Variants in PCSK5 observed in about 807,000 individuals in gnomAD.
PCSK5 encodes the protein proprotein convertase subtilisin/kexin type 5, also known as prohormone convertase 5.
A neutral mutation model predicts 233.2 loss-of-function variants in PCSK5; 129 were observed. The observed-to-expected ratio is 0.55, with a 90% CI of 0.48 to 0.64. The LOEUF (loss-of-function observed/expected upper bound fraction) is 0.64. Ranked by LOEUF, PCSK5 falls within the 30% of genes least tolerant of loss-of-function variation. The pLI is 0.00. For synonymous variants in PCSK5, 825 were observed against 879.2 expected (o/e 0.94, Z 1.09); for missense variants, 2,076 against 2,430.1 (o/e 0.85, Z 3.06).
chr9:76,265,202 C>G (rs532501694), intron 24 of PCSK5, among the ~76,000 whole-genome samples: 1 of 151,720 alleles, frequency 6.6e-6, no homozygotes, highest in Non-Finnish European at 1.5e-5. Context: ...GGGAACTAAA[C>G]ATGGGGTACT....
chr9:76,255,346 G>A (rs1185111797), intron 24 of PCSK5, among the ~76,000 whole-genome samples: 1 of 152,154 alleles, frequency 6.6e-6, no homozygotes, highest in East Asian at 1.9e-4. Context: ...TGCAACCAGA[G>A]TTGAAAGCCA....
chr9:76,256,274 G>C (rs1826978486), intron 24 of PCSK5, among the ~76,000 whole-genome samples: 2 of 152,196 alleles, frequency 1.3e-5, no homozygotes, highest in Non-Finnish European at 2.9e-5. Flanking sequence ...ATTTCCCCCG[G>C]AGCCGGGTAT....
intron 29 of PCSK5, among the ~76,000 whole-genome samples, chr9:76,309,035 T>C (rs919157452): frequency 6.6e-6 from 1 of 151,990 alleles, no homozygotes; most frequent in Non-Finnish European, 1.5e-5. Context: ...CTGGGAAACA[T>C]AGTGAGACCC....
rs763627398 is a variant in PCSK5, at chr9:76,323,132, T to C, written c.4183T>C (p.Cys1395Arg). 5.0e-6 allele frequency: 8 copies of C among 1,612,260 alleles called. No homozygotes were observed. In the East Asian group the frequency reaches 1.6e-4, roughly 31 times the overall value. ...TGGCTTCTATGCAGACTCGCGCCAC[T>C]GTGTCCCCTGCCATAAAGACTGTCT... ...PRGFYADSRH[C>R]VPCHKDCLEC... The change falls in exon 32 of 38, where the codon TGT (cysteine) becomes CGT (arginine). Residue 1395 changes from cysteine (C) to arginine (R), a missense_variant. By Grantham distance (180) the Cys-to-Arg change is radical. Coordinates refer to ENST00000674117, the MANE Select transcript of PCSK5 (RefSeq NM_001372043.1).
intron 29 of PCSK5, among the ~76,000 whole-genome samples, chr9:76,310,424 C>T (rs1420617140): frequency 6.6e-6 from 1 of 152,098 alleles, no homozygotes; most frequent in Non-Finnish European, 1.5e-5. Context: ...CCATCATGAC[C>T]TATACCTAAT....
At chr9:76,151,885 T>A (rs1010611588) in intron 10 of PCSK5, among the ~76,000 whole-genome samples, 1 of 152,226 alleles carries the variant, frequency 6.6e-6, no homozygotes, top group African/African-American at 2.4e-5. Flanking sequence ...TATTTTCTGT[T>A]GCATTTGGAT....
chr9:76,108,417 C>T (rs894933076), intron 9 of PCSK5, among the ~76,000 whole-genome samples: 3 of 152,148 alleles, frequency 2.0e-5, no homozygotes, highest in Non-Finnish European at 2.9e-5. Context: ...TAGCCAGTGA[C>T]AGAGAAGGAA....
intron 1 of PCSK5, among the ~76,000 whole-genome samples, chr9:75,903,439 A>G (rs980234011): frequency 1.5e-4 from 23 of 151,588 alleles, no homozygotes; most frequent in Non-Finnish European, 2.7e-4. Flanking sequence ...ATACCATGCC[A>G]GCATTGAACC....
intron 24 of PCSK5, among the ~76,000 whole-genome samples, chr9:76,278,698 TATCC>T (rs1225339887): frequency 1.4e-5 from 2 of 139,716 alleles, no homozygotes; most frequent in Non-Finnish European, 3.1e-5. Flanking sequence ...TCTATCTATC[TATCC>T]ATCCATCCAT....
intron 22 of PCSK5, among the ~76,000 whole-genome samples, chr9:76,235,136 T>C (rs756414749): frequency 1.3e-5 from 2 of 152,196 alleles, no homozygotes; most frequent in Non-Finnish European, 2.9e-5. Context: ...GTCTGGTATA[T>C]GGAAGGTTCA....
chr9:76,008,693 C>T (rs1280715816), intron 3 of PCSK5, among the ~76,000 whole-genome samples: 1 of 152,104 alleles, frequency 6.6e-6, no homozygotes, highest in African/African-American at 2.4e-5. Context: ...ATCTCCTGAC[C>T]TCGTGATCCA....
intron 24 of PCSK5, among the ~76,000 whole-genome samples, chr9:76,283,920 G>A (rs1827964987): frequency 6.6e-6 from 1 of 152,200 alleles, no homozygotes; most frequent in South Asian, 2.1e-4. Flanking sequence ...AGGGCTGGAA[G>A]CCAAGTGCAG....
At chr9:76,355,194 C>T (rs1033050176) in intron 37 of PCSK5, among the ~76,000 whole-genome samples, 1 of 152,016 alleles carries the variant, frequency 6.6e-6, no homozygotes, top group South Asian at 2.1e-4. Context: ...GAAACATGGC[C>T]GGGCGCGGTG....
intron 35 of PCSK5, among the ~76,000 whole-genome samples, chr9:76,345,319 G>A (rs1447895174): frequency 6.6e-6 from 1 of 151,808 alleles, no homozygotes; most frequent in Non-Finnish European, 1.5e-5. Context: ...CGCAGTTTCC[G>A]CCTGCCGGGT....
chr9:76,351,482 A>AAGAG (rs1352110900), intron 36 of PCSK5, among the ~76,000 whole-genome samples: 2 of 91,530 alleles, frequency 2.2e-5, no homozygotes, highest in African/African-American at 7.8e-5. Context: ...GAAAGAAAGA[A>AAGAG]AGAAAGAAAG....
chr9:76,242,032 T>C (rs754450898), intron 24 of PCSK5, among the ~76,000 whole-genome samples: 6 of 152,210 alleles, frequency 3.9e-5, no homozygotes, highest in Non-Finnish European at 8.8e-5. Context: ...AGGGGTAAGA[T>C]TGTGCCAGAA....
At chr9:76,228,878 G>T (rs1166318295) in intron 21 of PCSK5, among the ~76,000 whole-genome samples, 1 of 151,884 alleles carries the variant, frequency 6.6e-6, no homozygotes, top group African/African-American at 2.4e-5. Context: ...GCTGTGGTGT[G>T]TTTTTTCCTT....
intron 17 of PCSK5, 135 bp from the exon 18 acceptor site, chr9:76,188,443 C>A: frequency 1.6e-6 from 1 of 611,174 alleles, no homozygotes. Context: ...CGGGCTATTT[C>A]CCCGGCTTTG....
chr9:76,265,128 C>T (rs1827295020), intron 24 of PCSK5, among the ~76,000 whole-genome samples: 2 of 151,998 alleles, frequency 1.3e-5, no homozygotes, highest in African/African-American at 4.8e-5. Context: ...AGATGGAGGC[C>T]ATTATCCTAA....
Sources: gnomAD v4.1 joint callset for allele counts (sites outside exome capture counted in the v4.1 genomes callset) on GRCh38, gnomAD v4.1.1 for gene constraint, MANE v1.5 for transcripts, NCBI Gene and HGNC (gene_info 2026-07-23, HGNC 2026-07-21) for gene names.